CFAP54: variants seen among roughly 807,000 people sequenced by gnomAD.
The protein encoded by CFAP54 is cilia and flagella associated protein 54.
A neutral mutation model predicts 370.4 loss-of-function variants in CFAP54; 290 were observed. The observed-to-expected ratio is 0.78, with a 90% CI of 0.71 to 0.86. The LOEUF (loss-of-function observed/expected upper bound fraction) is 0.86, where lower values mean the gene tolerates loss of function less well. CFAP54 is among the 40% of genes least tolerant of loss of function. The probability of loss-of-function intolerance (pLI) is 0.00; values close to 1 mark genes in which losing one functional copy is unlikely to be tolerated. For synonymous variants in CFAP54, 1,206 were observed against 1,236.5 expected (o/e 0.98, Z 0.52); for missense variants, 3,399 against 3,528.7 (o/e 0.96, Z 0.93).
intron 55 of CFAP54, among the ~76,000 whole-genome samples, chr12:96,746,204 T>C (rs1328032648): frequency 1.3e-5 from 2 of 152,126 alleles, no homozygotes; most frequent in African/African-American, 4.8e-5. Context: ...TCTCCTTCCC[T>C]CAGTTTGTAA....
At chr12:96,785,513 C>G (rs1454943959) in intron 61 of CFAP54, among the ~76,000 whole-genome samples, 2 of 152,024 alleles carry the variant, frequency 1.3e-5, no homozygotes, top group African/African-American at 4.8e-5. Context: ...ATGGGGAAAC[C>G]AGAAGGGCAA....
rs1955393148 is a variant in CFAP54, at chr12:96,527,264, G to A, written c.1177G>A (p.Val393Ile). ...EVQTLSWPRTVTERLLDEMFD... is the reference protein window; with the variant it reads ...EVQTLSWPRTITERLLDEMFD... ...ATTTCAGTTATCATGGCCACGAACT[G>A]TCACAGAGCGGCTACTGGATGAGAT... is the stretch of plus-strand genomic sequence containing the variant. The change falls in exon 9 of 68, where the codon GTC becomes ATC. Residue 393 changes from valine (V) to isoleucine (I), a missense_variant. Physicochemically the swap from Val to Ile is conservative, Grantham distance 29. Transcript: ENST00000524981. 1.3e-6 allele frequency: 2 copies of A among 1,524,540 alleles called. No individual in the cohort carries two copies. Among genetic ancestry groups the A allele is most frequent in the Admixed American group, 4.1e-5 (2 of 48,578 alleles). 94.4% of individuals were successfully genotyped at this position (1,524,540 alleles called of 1,614,324 possible). A position where few individuals can be genotyped will look rare whatever the true frequency, so the allele number is the denominator to read the frequency against.
At chr12:96,682,045 C>T in intron 40 of CFAP54, 1 of 558,738 alleles carries the variant, frequency 1.8e-6, no homozygotes, top group Non-Finnish European at 2.3e-6. Flanking sequence ...AAAATATTTC[C>T]TTTCTTTTTG....
chr12:96,743,932 C>T lies in CFAP54; in HGVS notation c.7557+22C>T, dbSNP rs368264352. On this transcript the variant is annotated intron_variant, in intron 54 of 67. Coordinates refer to ENST00000524981, the MANE Select transcript of CFAP54 (RefSeq NM_001306084.2). ...ACAGGTGAGAATGCTTTTGTGTCTG[C>T]GAGACATAGAAACTTACTTTTCTCT... is the stretch of plus-strand genomic sequence containing the variant. 2.7e-5 allele frequency: 44 copies of T among 1,603,742 alleles called. No homozygotes were observed. In the African/African-American group the frequency reaches 4.2e-4, roughly 15 times the overall value.
chr12:96,797,668 A>G (rs12305106), intron 63 of CFAP54, among the ~76,000 whole-genome samples: 6,777 of 152,158 alleles, frequency 0.045, 357 homozygotes, highest in African/African-American at 0.13. Context: ...TCTGATGCTA[A>G]CATAGGAAAG....
intron 1 of CFAP54, among the ~76,000 whole-genome samples, chr12:96,497,563 G>A (rs1954969417): frequency 6.6e-6 from 1 of 152,150 alleles, no homozygotes; most frequent in South Asian, 2.1e-4. Context: ...TTTAAAATTA[G>A]CAAGGCACAT....
intron 66 of CFAP54, among the ~76,000 whole-genome samples, chr12:96,854,589 GA>G (rs1170596214): frequency 6.6e-6 from 1 of 151,960 alleles, no homozygotes; most frequent in Non-Finnish European, 1.5e-5. Context: ...ATAAAAACTA[GA>G]AAAAAACTCT....
At chr12:96,839,295 CTT>C (rs1175694285) in intron 66 of CFAP54, among the ~76,000 whole-genome samples, 1 of 152,182 alleles carries the variant, frequency 6.6e-6, no homozygotes, top group Non-Finnish European at 1.5e-5. Context: ...ATGTAAAACT[CTT>C]AGAACAGTGC....
chr12:96,822,509 C>T (rs892802960), intron 65 of CFAP54, among the ~76,000 whole-genome samples: 3 of 152,172 alleles, frequency 2.0e-5, no homozygotes, highest in Non-Finnish European at 2.9e-5. Context: ...TATGTGCAAA[C>T]TATTTCCAGG....
At chr12:96,723,309 A>G (rs1430466053) in intron 50 of CFAP54, among the ~76,000 whole-genome samples, 3 of 152,202 alleles carry the variant, frequency 2.0e-5, no homozygotes, top group Non-Finnish European at 4.4e-5. Context: ...AAAAGGACCA[A>G]GGATCAAGCC....
At position 96,861,042 on chromosome 12, in the gene CFAP54, TG is replaced by T. The variant is rs927576086; in HGVS notation, c.*14+91del. On this transcript the variant is annotated intron_variant, in intron 67 of 67. Coordinates refer to ENST00000524981, the MANE Select transcript of CFAP54 (RefSeq NM_001306084.2). The stretch of plus-strand genomic sequence containing the variant: ...CCTCTTATAACAACAAACATAAAAT[TG>T]TTTTTTTACACAAGCTAAATTTCTT... 9 of 1,029,778 alleles carry T rather than the reference TG, an allele frequency of 8.7e-6. No homozygotes were observed. The African/African-American group carries it at 1.2e-4, about 13-fold the overall frequency. 63.8% of individuals were successfully genotyped at this position (1,029,778 alleles called of 1,614,324 possible). A position where few individuals can be genotyped will look rare whatever the true frequency, so the allele number is the denominator to read the frequency against.
chr12:96,715,516 AATGG>A (rs1258125708), intron 48 of CFAP54, among the ~76,000 whole-genome samples: 1 of 152,144 alleles, frequency 6.6e-6, no homozygotes, highest in African/African-American at 2.4e-5. Flanking sequence ...TGGTACTGTC[AATGG>A]ATTATGGGTT....
Position 96,521,866 on chromosome 12 carries a change from C to T in CFAP54, c.952C>T (p.Arg318Trp), listed in dbSNP as rs199931025. 1.8e-4 allele frequency: 279 copies of T among 1,524,972 alleles called. No individual in the cohort carries two copies. Among genetic ancestry groups the T allele is most frequent in the South Asian group, 4.9e-4 (41 of 83,224 alleles). 94.5% of individuals were successfully genotyped at this position (1,524,972 alleles called of 1,614,324 possible). ...TTTTAATCACATGTAGGCATTTGCT[C>T]GGCGTGCTTTGGCTAAAATTGATGA... ...HAGIHGEAFA[R>W]RALAKIDELR... Residue 318 changes from arginine (R) to tryptophan (W), a missense_variant, in exon 7 of 68, where the codon CGG becomes TGG. By Grantham distance (101) the Arg-to-Trp change is moderately radical. Transcript: ENST00000524981.
intron 51 of CFAP54, among the ~76,000 whole-genome samples, chr12:96,741,563 G>C (rs1958052021): frequency 6.6e-6 from 1 of 152,202 alleles, no homozygotes; most frequent in African/African-American, 2.4e-5. Context: ...GCTACTCCTG[G>C]CTAGCACATG....
intron 61 of CFAP54, among the ~76,000 whole-genome samples, chr12:96,785,836 C>T (rs1842870958): frequency 6.6e-6 from 1 of 152,182 alleles, no homozygotes; most frequent in Non-Finnish European, 1.5e-5. Flanking sequence ...CAGGAGTAAC[C>T]TTCAGCTATT....
intron 27 of CFAP54, 141 bp from the exon 28 acceptor site, chr12:96,623,626 G>GC: frequency 1.7e-6 from 1 of 578,470 alleles, no homozygotes; most frequent in Non-Finnish European, 3.1e-6. Flanking sequence ...ATTCATTGTT[G>GC]TTAATTAATA....
At chr12:96,525,684 G>C (rs1193244524) in intron 8 of CFAP54, among the ~76,000 whole-genome samples, 2 of 152,112 alleles carry the variant, frequency 1.3e-5, no homozygotes, top group South Asian at 4.1e-4. Context: ...AGGGCATGAA[G>C]TTCAAGTTTT....
chr12:96,727,764 C>G (rs1053315833), intron 50 of CFAP54, among the ~76,000 whole-genome samples: 6 of 151,718 alleles, frequency 4.0e-5, no homozygotes, highest in Non-Finnish European at 5.9e-5. Context: ...GCAGTTTCTT[C>G]CTAGTCTCGA....
At chr12:96,663,750 A>G in intron 38 of CFAP54, 80 bp from the exon 39 acceptor site, 1 of 956,034 alleles carries the variant, frequency 1.0e-6, no homozygotes, top group Non-Finnish European at 1.6e-6. Context: ...TAAATAAAAA[A>G]TGAGAGAAAC....
Sources: gnomAD v4.1 joint callset for allele counts (sites outside exome capture counted in the v4.1 genomes callset) on GRCh38, gnomAD v4.1.1 for gene constraint, MANE v1.5 for transcripts, NCBI Gene and HGNC (gene_info 2026-07-23, HGNC 2026-07-21) for gene names.